The following ZNF713 variants were observed in gnomAD, a reference collection of about 807,000 sequenced individuals.
The protein encoded by ZNF713 is zinc finger protein 713.
In ZNF713, 21 loss-of-function variants were observed where a neutral mutation model predicts 28.7. The ratio of observed to expected loss-of-function variants is 0.73; its 90% CI spans 0.52 to 1.05. The LOEUF is 1.05. Ranked by LOEUF, ZNF713 falls within the 50% of genes least tolerant of loss-of-function variation. ZNF713 has a pLI of 0.00. For missense variants in ZNF713, 458 were observed against 532.4 expected, an observed-to-expected ratio of 0.86 and a Z score of 1.37; for synonymous variants, 167 against 178.0, an observed-to-expected ratio of 0.94 and a Z score of 0.49.
chr7:55,929,223 T>C (rs757629143), intron 6 of ZNF713, among the ~76,000 whole-genome samples: 2 of 152,012 alleles, frequency 1.3e-5, no homozygotes, highest in Non-Finnish European at 2.9e-5. Context: ...AGCACAAAAA[T>C]TATCAAGAAA....
At chr7:55,919,132 A>G (rs978899497) in intron 4 of ZNF713, among the ~76,000 whole-genome samples, 2 of 152,244 alleles carry the variant, frequency 1.3e-5, no homozygotes, top group Admixed American at 1.3e-4. Flanking sequence ...AGGGAAAAAG[A>G]TAAACTAACT....
chr7:55,897,191 A>G (rs1785488119), intron 1 of ZNF713, among the ~76,000 whole-genome samples: 1 of 152,032 alleles, frequency 6.6e-6, no homozygotes, highest in Non-Finnish European at 1.5e-5. Flanking sequence ...AGATACACTG[A>G]TGATGCTAAA....
chr7:55,927,667 T>C (rs1584315707), intron 6 of ZNF713, among the ~76,000 whole-genome samples: 1 of 151,838 alleles, frequency 6.6e-6, no homozygotes, highest in East Asian at 1.9e-4. Flanking sequence ...GAGGCCGAGA[T>C]GGACGGATCA....
chr7:55,892,871 G>GGA (rs1231519731), intron 1 of ZNF713, among the ~76,000 whole-genome samples: 3 of 123,658 alleles, frequency 2.4e-5, no homozygotes, highest in African/African-American at 8.8e-5. Context: ...AATTGTTTGG[G>GGA]AAAAAAAAAA....
intron 1 of ZNF713, among the ~76,000 whole-genome samples, chr7:55,887,917 G>C (rs1785307512): frequency 6.8e-6 from 1 of 146,702 alleles, no homozygotes; most frequent in African/African-American, 2.5e-5. Context: ...GGCGGCAGGT[G>C]GCGGGAGGGG....
intron 6 of ZNF713, among the ~76,000 whole-genome samples, chr7:55,926,012 T>C (rs562415915): frequency 5.3e-4 from 81 of 152,232 alleles, no homozygotes; most frequent in Admixed American, 9.2e-4. Flanking sequence ...TAACTGCTAA[T>C]TTAGGAAAAC....
intron 1 of ZNF713, among the ~76,000 whole-genome samples, chr7:55,903,983 C>G (rs758765024): frequency 8.6e-5 from 13 of 152,004 alleles, no homozygotes; most frequent in Non-Finnish European, 1.3e-4. Context: ...AGGTTTTTGT[C>G]TTTTTAAGAT....
chr7:55,915,551 G>A (rs1785866810), intron 4 of ZNF713, among the ~76,000 whole-genome samples: 1 of 152,302 alleles, frequency 6.6e-6, no homozygotes, highest in Non-Finnish European at 1.5e-5. Context: ...TAGGGAATCA[G>A]GGAGAAACTG....
intron 1 of ZNF713, among the ~76,000 whole-genome samples, chr7:55,901,185 G>A (rs1490355078): frequency 1.3e-5 from 2 of 152,174 alleles, no homozygotes; most frequent in Non-Finnish European, 2.9e-5. Flanking sequence ...AGTGGCTGGG[G>A]AGGACTCACA....
At chr7:55,932,908 A>AG (rs1562748666) in intron 6 of ZNF713, among the ~76,000 whole-genome samples, 2 of 146,578 alleles carry the variant, frequency 1.4e-5, no homozygotes, top group African/African-American at 5.1e-5. Flanking sequence ...AAAAAAAAAA[A>AG]AAGAAGCTAC....
rs539921887 is a variant in ZNF713 at position 55,942,214 on chromosome 7, G to A, written c.*2208G>A. ...GCAGTGGCTTATATAAACACCTGAC[G>A]AAGTAGTCTAATTGGCTTAATCATT... On this transcript the variant is annotated 3_prime_UTR_variant, in exon 7 of 7. Transcript: ENST00000429591. The A allele has an allele frequency of 2.6e-5, 4 of 152,138 alleles. No homozygotes were observed. The highest frequency in any genetic ancestry group is 2.1e-4 in the South Asian group (1 of 4,820). 9.4% of individuals were successfully genotyped at this position (152,138 alleles called of 1,614,324 possible). A position where few individuals can be genotyped will look rare whatever the true frequency, so the allele number is the denominator to read the frequency against.
rs988676968 is a variant in ZNF713 at position 55,931,933 on chromosome 7, T to G, written c.308-7049T>G. ...GGAACCAGGTCCACAGGCTGCAGAT[T>G]CAGTGCTAAGAGACGTGAGAGGCAG... On this transcript the variant is annotated intron_variant, in intron 6 of 6. Transcript: ENST00000429591. 6.6e-5 allele frequency among the ~76,000 whole-genome samples: 10 copies of G among 152,178 alleles called. No individual in the cohort carries two copies. The East Asian group carries it at 1.5e-3, about 23-fold the overall frequency.
At chr7:55,920,317 G>A (rs904544344) in intron 4 of ZNF713, among the ~76,000 whole-genome samples, 2 of 152,272 alleles carry the variant, frequency 1.3e-5, no homozygotes, top group Non-Finnish European at 2.9e-5. Context: ...AAACAGCCAA[G>A]TCATGTGTAC....
intron 6 of ZNF713, among the ~76,000 whole-genome samples, chr7:55,930,982 T>C (rs1043757485): frequency 1.3e-5 from 2 of 152,172 alleles, no homozygotes; most frequent in Non-Finnish European, 2.9e-5. Context: ...ATAAGATCTA[T>C]ATAATCTATA....
chr7:55,939,202 G>A lies in ZNF713; in HGVS notation c.528G>A (p.Gln176=). 6.2e-7 allele frequency: 1 copy of A among 1,614,136 alleles called. No individual in the cohort carries two copies. The highest frequency in any genetic ancestry group is 8.5e-7 in the Non-Finnish European group (1 of 1,180,018). Residue 176 remains glutamine, a synonymous_variant, in exon 7 of 7, where the codon CAG becomes CAA. Coordinates refer to ENST00000429591, the MANE Select transcript of ZNF713 (RefSeq NM_182633.3). ...CTTTGACCCACAAAAAGATCACACA[G>A]GAGAGAAGCCTTGAGTGTAATAAAT... is the stretch of plus-strand genomic sequence containing the variant. The part of the protein sequence containing the change: ...QVTLTHKKIT[Q]ERSLECNKFA...
rs190483809 is a variant in ZNF713, at chr7:55,898,231, T to C, written c.-582-8022T>C. 3.9e-5 allele frequency among the ~76,000 whole-genome samples: 6 copies of C among 152,178 alleles called. No individual in the cohort carries two copies. The South Asian group carries it at 1.2e-3, about 32-fold the overall frequency. ...CAAATGCAAAAGTAAACAAATAGGG[T>C]TGCGTCAATCTAAAAAGCTTTTACA... On this transcript the variant is annotated intron_variant, in intron 1 of 6. Transcript: ENST00000429591.
intron 6 of ZNF713, among the ~76,000 whole-genome samples, chr7:55,937,213 T>C (rs1177915908): frequency 6.6e-6 from 1 of 151,796 alleles, no homozygotes; most frequent in Non-Finnish European, 1.5e-5. Flanking sequence ...GGCACAAGAA[T>C]CGCTTGAACC....
At chr7:55,902,595 T>A (rs1180952405) in intron 1 of ZNF713, among the ~76,000 whole-genome samples, 1 of 152,198 alleles carries the variant, frequency 6.6e-6, no homozygotes, top group Non-Finnish European at 1.5e-5. Flanking sequence ...TCTCTCAGGC[T>A]TGATGCTCAG....
intron 4 of ZNF713, among the ~76,000 whole-genome samples, chr7:55,921,264 A>G (rs2116235104): frequency 6.6e-6 from 1 of 152,342 alleles, no homozygotes; most frequent in Middle Eastern, 3.4e-3. Context: ...ATGGAGATGT[A>G]CAAGAAGACT....
Sources: allele counts gnomAD v4.1 joint callset (sites outside exome capture counted in the v4.1 genomes callset), GRCh38; gene constraint gnomAD v4.1.1; transcripts MANE v1.5; gene names NCBI Gene and HGNC (gene_info 2026-07-23, HGNC 2026-07-21).